The following ZNG1E variants were observed in gnomAD, a reference collection of about 807,000 sequenced individuals.
The protein encoded by ZNG1E is zinc-regulated GTPase metalloprotein activator 1E.
chr9:65,716,601 A>G, the ZNG1E span, among the ~76,000 whole-genome samples: 1 of 150,290 alleles, frequency 6.7e-6, no homozygotes, highest in Non-Finnish European at 1.5e-5. Context: ...GTAGGACATG[A>G]TAGTGTTTTA....
At chr9:65,678,543 A>G in the ZNG1E span, among the ~76,000 whole-genome samples, 1 of 148,038 alleles carries the variant, frequency 6.8e-6, no homozygotes, top group Non-Finnish European at 1.5e-5. Context: ...TCCAACAAAA[A>G]AAAAAAAGAT....
the ZNG1E span, among the ~76,000 whole-genome samples, chr9:65,666,925 A>G: frequency 6.6e-6 from 1 of 152,218 alleles, no homozygotes; most frequent in Non-Finnish European, 1.5e-5. Context: ...GGTTCAAGCG[A>G]TTCTCCTGCC....
the ZNG1E span, among the ~76,000 whole-genome samples, chr9:65,728,411 A>T: frequency 8.3e-6 from 1 of 120,130 alleles, no homozygotes; most frequent in Non-Finnish European, 1.8e-5. Flanking sequence ...ACAACAAAAA[A>T]ATCCAAAAGA....
At chr9:65,663,880 A>T in the ZNG1E span, among the ~76,000 whole-genome samples, 1 of 152,130 alleles carries the variant, frequency 6.6e-6, no homozygotes, top group South Asian at 2.1e-4. Flanking sequence ...TGTCATCTAT[A>T]GTACTCCCTG....
At chr9:65,663,857 C>T in the ZNG1E span, among the ~76,000 whole-genome samples, 3 of 151,448 alleles carry the variant, frequency 2.0e-5, no homozygotes, top group African/African-American at 7.3e-5. Context: ...TGCTCCTCTT[C>T]CCCCATTGTC....
the ZNG1E span, chr9:65,703,704 C>T: frequency 1.5e-4 from 149 of 968,222 alleles, 9 homozygotes; most frequent in South Asian, 6.4e-3. Flanking sequence ...TCTACTCAGT[C>T]TCTACTTGAG....
the ZNG1E span, among the ~76,000 whole-genome samples, chr9:65,663,631 G>C: frequency 2.6e-5 from 4 of 150,986 alleles, no homozygotes; most frequent in East Asian, 7.7e-4. Flanking sequence ...TAAAACAATA[G>C]TGCTATGAAT....
At chr9:65,715,151 A>G in the ZNG1E span, among the ~76,000 whole-genome samples, 2 of 148,542 alleles carry the variant, frequency 1.3e-5, no homozygotes, top group African/African-American at 5.1e-5. Context: ...GGTGGGAGTG[A>G]CCCAATCTTC....
At chr9:65,685,043 TAAAAAAA>T in the ZNG1E span, among the ~76,000 whole-genome samples, 36 of 107,708 alleles carry the variant, frequency 3.3e-4, no homozygotes, top group Non-Finnish European at 4.6e-4. Flanking sequence ...CCCCATTTCT[TAAAAAAA>T]AAAAAAAAAA....
chr9:65,687,158 G>A, the ZNG1E span, among the ~76,000 whole-genome samples: 1 of 141,740 alleles, frequency 7.1e-6, no homozygotes, highest in East Asian at 2.0e-4. Flanking sequence ...AGAAACAGGT[G>A]ACTGTTCCTT....
chr9:65,694,403 A>T, the ZNG1E span, among the ~76,000 whole-genome samples: 2 of 149,490 alleles, frequency 1.3e-5, no homozygotes, highest in African/African-American at 2.5e-5. Flanking sequence ...TATGGAGAAG[A>T]GTTAAATAGA....
the ZNG1E span, among the ~76,000 whole-genome samples, chr9:65,658,299 C>G: frequency 3.3e-5 from 5 of 151,836 alleles, no homozygotes; most frequent in South Asian, 1.0e-3. Context: ...AAAGGGAGCT[C>G]TTGGAAATTT....
chr9:65,671,233 A>G, the ZNG1E span, among the ~76,000 whole-genome samples: 1 of 151,402 alleles, frequency 6.6e-6, no homozygotes, highest in African/African-American at 2.4e-5. Context: ...TCATAAATAG[A>G]GTTATTTGGT....
the ZNG1E span, among the ~76,000 whole-genome samples, chr9:65,658,449 G>C: frequency 6.6e-6 from 1 of 151,518 alleles, no homozygotes; most frequent in African/African-American, 2.4e-5. Context: ...ACTAAAATAA[G>C]AAGTCCAACA....
the ZNG1E span, chr9:65,704,660 C>T: frequency 1.2e-4 from 106 of 852,904 alleles, 15 homozygotes; most frequent in Non-Finnish European, 1.3e-4. Flanking sequence ...TGCCTGTAAT[C>T]CCAGCACTTT....
At chr9:65,684,550 G>A in the ZNG1E span, among the ~76,000 whole-genome samples, 8,539 of 131,018 alleles carry the variant, frequency 0.065, 15 homozygotes, top group African/African-American at 0.097. Context: ...ACACACGCAC[G>A]CACACACACA....
the ZNG1E span, among the ~76,000 whole-genome samples, chr9:65,715,035 C>T: frequency 6.7e-6 from 1 of 149,460 alleles, no homozygotes; most frequent in African/African-American, 2.5e-5. Flanking sequence ...GACTGCTGTG[C>T]TAGCAATCAG....
the ZNG1E span, among the ~76,000 whole-genome samples, chr9:65,687,512 G>C: frequency 6.6e-6 from 1 of 152,260 alleles, no homozygotes; most frequent in Non-Finnish European, 1.5e-5. Context: ...CCCAAACTTT[G>C]TAAATGTTGT....
At chr9:65,705,351 A>G in the ZNG1E span, among the ~76,000 whole-genome samples, 4 of 151,942 alleles carry the variant, frequency 2.6e-5, no homozygotes, top group Non-Finnish European at 4.4e-5. Context: ...TGCATTTCAT[A>G]GCATTTTAAG....
Sources: allele counts gnomAD v4.1 joint callset (sites outside exome capture counted in the v4.1 genomes callset), GRCh38; gene constraint gnomAD v4.1.1; transcripts MANE v1.5; gene names NCBI Gene and HGNC (gene_info 2026-07-23, HGNC 2026-07-21).